The following EIF4G3 variants were observed in gnomAD, a reference collection of about 807,000 sequenced individuals.
EIF4G3 encodes the protein eukaryotic translation initiation factor 4 gamma 3.
In EIF4G3, 34 loss-of-function variants were observed where a neutral mutation model predicts 186.4. That is an observed-to-expected ratio of 0.18 (90% CI 0.14 to 0.24). The LOEUF is 0.24. Ranked by LOEUF, EIF4G3 falls within the 10% of genes least tolerant of loss-of-function variation. The probability of loss-of-function intolerance (pLI) is 1.00; values close to 1 mark genes in which losing one functional copy is unlikely to be tolerated. For synonymous variants in EIF4G3, 673 were observed against 679.5 expected (o/e 0.99, Z 0.15); for missense variants, 1,536 against 1,948.5 (o/e 0.79, Z 3.99).
At chr1:20,807,755 G>GTTT (rs67864326) in intron 36 of EIF4G3, among the ~76,000 whole-genome samples, 5 of 63,866 alleles carry the variant, frequency 7.8e-5, no homozygotes, top group African/African-American at 2.5e-4. Context: ...CTTTTTTTCT[G>GTTT]TTTTTTTTTT....
intron 4 of EIF4G3, among the ~76,000 whole-genome samples, chr1:21,012,943 CACTGAAAAA>C (rs1398819143): frequency 1.3e-5 from 2 of 152,128 alleles, no homozygotes; most frequent in Non-Finnish European, 2.9e-5. Flanking sequence ...CACACATTCC[CACTGAAAAA>C]ACTGAAAATC....
At chr1:20,860,595 A>G (rs969934006) in intron 23 of EIF4G3, 78 bp from the exon 24 acceptor site, 1 of 1,489,304 alleles carries the variant, frequency 6.7e-7, no homozygotes, top group Non-Finnish European at 9.1e-7. Context: ...AATTTTTACT[A>G]CTGGAAAAGT....
At chr1:21,166,454 G>A (rs1296599429) in intron 2 of EIF4G3, among the ~76,000 whole-genome samples, 1 of 152,102 alleles carries the variant, frequency 6.6e-6, no homozygotes, top group Non-Finnish European at 1.5e-5. Context: ...GCTGGGCGCA[G>A]TGGCTCACGC....
chr1:21,129,090 G>A (rs1263415930), intron 2 of EIF4G3, among the ~76,000 whole-genome samples: 1 of 151,758 alleles, frequency 6.6e-6, no homozygotes, highest in East Asian at 1.9e-4. Context: ...CGAGGCGGGT[G>A]GATCACAAAG....
intron 18 of EIF4G3, among the ~76,000 whole-genome samples, chr1:20,891,665 T>C (rs2086125974): frequency 6.8e-6 from 1 of 147,610 alleles, no homozygotes; most frequent in Non-Finnish European, 1.5e-5. Context: ...CAGGCACCTA[T>C]AGTCCCAGCT....
intron 14 of EIF4G3, among the ~76,000 whole-genome samples, chr1:20,918,701 CTTTTTTTT>C (rs35704755): frequency 1.1e-5 from 1 of 94,902 alleles, no homozygotes; most frequent in African/African-American, 4.4e-5. Flanking sequence ...CTCCTAGTAT[CTTTTTTTT>C]TTTTTTTTTT....
At chr1:21,043,680 T>A (rs1346298347) in intron 4 of EIF4G3, among the ~76,000 whole-genome samples, 1 of 152,036 alleles carries the variant, frequency 6.6e-6, no homozygotes, top group Non-Finnish European at 1.5e-5. Flanking sequence ...TTGCTTGAAC[T>A]CAGGAGTTCG....
chr1:21,082,142 T>C (rs956926818), intron 3 of EIF4G3, among the ~76,000 whole-genome samples: 1 of 148,564 alleles, frequency 6.7e-6, no homozygotes, highest in Non-Finnish European at 1.5e-5. Flanking sequence ...ATCCCTATTA[T>C]GTAAAATGAC....
intron 14 of EIF4G3, chr1:20,941,164 A>G: frequency 1.4e-6 from 2 of 1,450,950 alleles, no homozygotes; most frequent in Non-Finnish European, 1.8e-6. Flanking sequence ...TCTAGCCCCA[A>G]AGCAGCAAAA....
At chr1:20,978,677 C>CAAAA (rs10603153) in intron 10 of EIF4G3, among the ~76,000 whole-genome samples, 3 of 106,320 alleles carry the variant, frequency 2.8e-5, no homozygotes, top group African/African-American at 3.7e-5. Context: ...TTTATCAGAT[C>CAAAA]AAAAAAAAAA....
chr1:21,058,719 C>CTTTT lies in EIF4G3; in HGVS notation c.-195-7729_-195-7726dup, dbSNP rs66576703. 1.8e-3 allele frequency among the ~76,000 whole-genome samples: 151 copies of CTTTT among 82,020 alleles called. 7 individuals carry two copies. The highest frequency in any genetic ancestry group is 2.3e-3 in the East Asian group (5 of 2,196). 53.8% of individuals were successfully genotyped at this position (82,020 alleles called of 152,430 possible). On this transcript the variant is annotated intron_variant, in intron 3 of 36. Transcript: ENST00000602326. The stretch of plus-strand genomic sequence containing the variant: ...TTTTCTTCTTCTTCTCTCTCTCTCT[C>CTTTT]TTTTTTTTTTTTTTTTTTTTTTTTT...
chr1:21,056,321 G>A lies in EIF4G3; in HGVS notation c.-195-5327C>T, dbSNP rs139672066. Among the ~76,000 whole-genome samples, 215 of 152,238 alleles carry A rather than the reference G, an allele frequency of 1.4e-3. 4 individuals are homozygous for A. The highest frequency in any genetic ancestry group is 0.012 in the Admixed American group (182 of 15,294). On this transcript the variant is annotated intron_variant, in intron 3 of 36. Coordinates refer to ENST00000602326, the MANE Select transcript of EIF4G3 (RefSeq NM_001391906.1). ...AAGAAATTCTTCCTAGAAACAGGCT[G>A]TTACATATAATAAAAATCTCTCAGC...
At chr1:21,005,161 G>T (rs1165468995) in intron 4 of EIF4G3, among the ~76,000 whole-genome samples, 1 of 152,040 alleles carries the variant, frequency 6.6e-6, no homozygotes, top group Non-Finnish European at 1.5e-5. Flanking sequence ...AGAAAACACA[G>T]GGAATGAATT....
chr1:20,905,928 C>G (rs2091939298), intron 14 of EIF4G3, among the ~76,000 whole-genome samples: 1 of 152,164 alleles, frequency 6.6e-6, no homozygotes, highest in South Asian at 2.1e-4. Context: ...CACTGAGACT[C>G]TGGGACAGTC....
chr1:21,175,999 C>T (rs1239236662), intron 2 of EIF4G3, 176 bp downstream of exon 2: 1 of 267,274 alleles, frequency 3.7e-6, no homozygotes, highest in Non-Finnish European at 7.0e-6. Context: ...GGTCCCCCCG[C>T]AGTGCTGCTG....
chr1:20,998,322 C>T (rs1489570046), intron 6 of EIF4G3, among the ~76,000 whole-genome samples: 1 of 151,760 alleles, frequency 6.6e-6, no homozygotes, highest in Non-Finnish European at 1.5e-5. Context: ...TAGTAAAGAA[C>T]ATCAGTCTCT....
chr1:21,038,150 A>G (rs1302188582), intron 4 of EIF4G3, among the ~76,000 whole-genome samples: 1 of 152,248 alleles, frequency 6.6e-6, no homozygotes, highest in African/African-American at 2.4e-5. Context: ...AGACAATAAT[A>G]GACTCACATA....
intron 2 of EIF4G3, among the ~76,000 whole-genome samples, chr1:21,144,983 A>T (rs968092467): frequency 6.6e-6 from 1 of 152,200 alleles, no homozygotes; most frequent in South Asian, 2.1e-4. Flanking sequence ...GAGTAATAAC[A>T]GCATTGTTTC....
chr1:21,129,435 C>A (rs1300212294), intron 2 of EIF4G3, among the ~76,000 whole-genome samples: 1 of 152,094 alleles, frequency 6.6e-6, no homozygotes, highest in Non-Finnish European at 1.5e-5. Flanking sequence ...CATTCACTTG[C>A]AAGTTCTTCA....
Sources: allele counts gnomAD v4.1 joint callset (sites outside exome capture counted in the v4.1 genomes callset), GRCh38; gene constraint gnomAD v4.1.1; transcripts MANE v1.5; gene names NCBI Gene and HGNC (gene_info 2026-07-23, HGNC 2026-07-21).